The following CFAP54 variants were observed in gnomAD, a reference collection of about 807,000 sequenced individuals.
CFAP54 encodes the protein cilia and flagella associated protein 54, also known as cilia- and flagella-associated protein 54.
Under a neutral mutation model 370.4 loss-of-function variants are expected in CFAP54, and 290 were observed. The ratio of observed to expected loss-of-function variants is 0.78; its 90% CI spans 0.71 to 0.86. The LOEUF (loss-of-function observed/expected upper bound fraction) is 0.86, where lower values mean the gene tolerates loss of function less well. Ranked by LOEUF, CFAP54 falls within the 40% of genes least tolerant of loss-of-function variation. CFAP54 has a pLI of 0.00. For missense variants in CFAP54, 3,399 were observed against 3,528.7 expected, an observed-to-expected ratio of 0.96 and a Z score of 0.93; for synonymous variants, 1,206 against 1,236.5, an observed-to-expected ratio of 0.98 and a Z score of 0.52.
In CFAP54 at chr12:96,554,687, T is replaced by C; in HGVS notation, c.2295T>C (p.His765=). The change falls in exon 17 of 68, where the codon CAT becomes CAC. Residue 765 remains histidine, a synonymous_variant. Transcript: ENST00000524981. ...IDHCYAKRTH[H]IDGDTYKPLA... is the part of the protein sequence containing the mutation. The stretch of plus-strand genomic sequence containing the variant: ...CTGTTGGACCAAAGCGTACCCACCA[T>C]ATAGATGGAGATACTTACAAACCAC... The C allele has an allele frequency of 6.5e-7, 1 of 1,533,554 alleles. No homozygotes were observed. Among genetic ancestry groups the C allele is most frequent in the South Asian group, 1.2e-5 (1 of 83,646 alleles). The allele number at this position is 1,533,554 out of a possible 1,614,324, so 95.0% of individuals were successfully genotyped here.
At chr12:96,498,181 G>C (rs1429868820) in intron 1 of CFAP54, among the ~76,000 whole-genome samples, 2 of 151,674 alleles carry the variant, frequency 1.3e-5, no homozygotes, top group Non-Finnish European at 2.9e-5. Context: ...CCCTTTTCTG[G>C]CAACAAACTG....
chr12:96,516,067 C>A (rs1292793068), intron 5 of CFAP54, among the ~76,000 whole-genome samples: 1 of 151,952 alleles, frequency 6.6e-6, no homozygotes, highest in African/African-American at 2.4e-5. Flanking sequence ...AGGCACCCGC[C>A]CCAATGCCTG....
intron 66 of CFAP54, among the ~76,000 whole-genome samples, chr12:96,858,683 T>C (rs1959783421): frequency 6.6e-6 from 1 of 152,172 alleles, no homozygotes; most frequent in Admixed American, 6.5e-5. Context: ...ATACAGCTAA[T>C]CATGGAGGTG....
chr12:96,492,007 G>A (rs1393375383), intron 1 of CFAP54, among the ~76,000 whole-genome samples: 1 of 152,080 alleles, frequency 6.6e-6, no homozygotes, highest in Non-Finnish European at 1.5e-5. Context: ...TGATCCACCC[G>A]CCTTGGCCTC....
intron 45 of CFAP54, among the ~76,000 whole-genome samples, chr12:96,694,360 C>G (rs1413173923): frequency 1.3e-5 from 2 of 152,112 alleles, no homozygotes; most frequent in East Asian, 3.8e-4. Flanking sequence ...TCCTAATCAC[C>G]CATGTTGCCA....
chr12:96,569,841 A>G (rs996148136), intron 19 of CFAP54, among the ~76,000 whole-genome samples: 2 of 152,174 alleles, frequency 1.3e-5, no homozygotes, highest in Non-Finnish European at 2.9e-5. Context: ...GATATCCCCT[A>G]AATACCAGTC....
intron 32 of CFAP54, among the ~76,000 whole-genome samples, chr12:96,634,323 G>A (rs913628779): frequency 6.6e-6 from 1 of 151,732 alleles, no homozygotes; most frequent in Non-Finnish European, 1.5e-5. Flanking sequence ...CAAAGTGCTG[G>A]GATTACAAGC....
chr12:96,863,403 T>A (rs560113252), intron 67 of CFAP54, among the ~76,000 whole-genome samples: 1 of 152,332 alleles, frequency 6.6e-6, no homozygotes, highest in South Asian at 2.1e-4. Context: ...ATAGTATTAC[T>A]GACCCCATAT....
chr12:96,576,653 G>A lies in CFAP54; in HGVS notation c.2688G>A (p.Leu896=). 2.0e-6 allele frequency: 3 copies of A among 1,535,176 alleles called. No individual in the cohort carries two copies. The highest frequency in any genetic ancestry group is 1.2e-5 in the South Asian group (1 of 84,020). Reference sequence around the variant, plus strand: ...CCCTATATTCCTATCAGAAATATTTGGAAAGTTCAAAAAGAAAGAAAAGCA... The same window carrying A: ...CCCTATATTCCTATCAGAAATATTTAGAAAGTTCAAAAAGAAAGAAAAGCA... ...QNALYSYQKY[L]ESSKRKKSRV... Residue 896 remains leucine (L), a synonymous_variant, in exon 20 of 68, where the codon TTG becomes TTA. Transcript: ENST00000524981.
intron 4 of CFAP54, among the ~76,000 whole-genome samples, chr12:96,511,146 T>C (rs1471690522): frequency 1.3e-5 from 2 of 152,046 alleles, no homozygotes; most frequent in African/African-American, 2.4e-5. Flanking sequence ...AGTCCCTGAA[T>C]GTTAAGGACC....
chr12:96,614,355 G>A (rs981517977), intron 26 of CFAP54, among the ~76,000 whole-genome samples: 6 of 152,100 alleles, frequency 3.9e-5, no homozygotes, highest in African/African-American at 1.4e-4. Context: ...GTATTGATGG[G>A]ACATATCTCA....
chr12:96,792,587 CTT>C, intron 63 of CFAP54, 88 bp downstream of exon 63: 3 of 996,890 alleles, frequency 3.0e-6, no homozygotes, highest in Non-Finnish European at 1.4e-6. Context: ...AGGACATTCT[CTT>C]ATCATATAGA....
At chr12:96,512,358 T>G (rs1009229931) in intron 4 of CFAP54, among the ~76,000 whole-genome samples, 5 of 106,024 alleles carry the variant, frequency 4.7e-5, no homozygotes, top group African/African-American at 1.8e-4. Context: ...TATGTATATA[T>G]TTGAGATGGA....
At chr12:96,556,481 C>T (rs752520911) in intron 17 of CFAP54, among the ~76,000 whole-genome samples, 2 of 151,898 alleles carry the variant, frequency 1.3e-5, no homozygotes, top group Non-Finnish European at 2.9e-5. Flanking sequence ...GCCATTATTG[C>T]TGTAACAAAT....
chr12:96,874,547 CACTCAGGTAA>C (rs1414317679), intron 67 of CFAP54, among the ~76,000 whole-genome samples: 2 of 151,430 alleles, frequency 1.3e-5, no homozygotes, highest in African/African-American at 4.9e-5. Context: ...TTATTACACT[CACTCAGGTAA>C]ACTGGAATCT....
At chr12:96,582,360 A>G (rs1443812277) in intron 22 of CFAP54, among the ~76,000 whole-genome samples, 1 of 152,148 alleles carries the variant, frequency 6.6e-6, no homozygotes. Flanking sequence ...TTTTAAGCCT[A>G]TTCTTGACTG....
intron 17 of CFAP54, chr12:96,555,097 C>T: frequency 5.3e-6 from 1 of 189,446 alleles, no homozygotes; most frequent in Non-Finnish European, 1.1e-5. Context: ...TGAGTACCTA[C>T]TAAAATCCAG....
intron 4 of CFAP54, among the ~76,000 whole-genome samples, chr12:96,508,593 T>TG (rs1955133100): frequency 8.6e-6 from 1 of 116,708 alleles, no homozygotes; most frequent in Non-Finnish European, 1.8e-5. Flanking sequence ...GCCTCTCAAT[T>TG]TTTTTTTTTT....
chr12:96,816,660 T>G (rs1008474804), intron 64 of CFAP54, among the ~76,000 whole-genome samples: 1 of 152,368 alleles, frequency 6.6e-6, no homozygotes, highest in South Asian at 2.1e-4. Context: ...GATCATTTGC[T>G]TCTTTTGCAT....
Sources: gnomAD v4.1 joint callset for allele counts (sites outside exome capture counted in the v4.1 genomes callset) on GRCh38, gnomAD v4.1.1 for gene constraint, MANE v1.5 for transcripts, NCBI Gene and HGNC (gene_info 2026-07-23, HGNC 2026-07-21) for gene names.